LARGE1: variants seen among roughly 807,000 people sequenced by gnomAD.
LARGE1 encodes LARGE xylosyl- and glucuronyltransferase 1.
In LARGE1, 43 loss-of-function variants were observed where a neutral mutation model predicts 87.6. That is an observed-to-expected ratio of 0.49 (90% CI 0.38 to 0.63). LARGE1 has a LOEUF of 0.63. LARGE1 is among the 30% of genes least tolerant of loss of function. LARGE1 has a pLI of 0.00. For synonymous variants in LARGE1, 434 were observed against 394.6 expected, an observed-to-expected ratio of 1.10 and a Z score of -1.18; for missense variants, 802 against 1,000.2, an observed-to-expected ratio of 0.80 and a Z score of 2.67.
intron 11 of LARGE1, among the ~76,000 whole-genome samples, chr22:33,176,786 A>T (rs990241701): frequency 1.3e-5 from 2 of 152,246 alleles, no homozygotes; most frequent in Admixed American, 6.5e-5. Flanking sequence ...ATAGCATTTG[A>T]TCCAGCAATC....
At chr22:33,233,412 TC>T (rs751303537) in intron 11 of LARGE1, among the ~76,000 whole-genome samples, 4 of 152,214 alleles carry the variant, frequency 2.6e-5, no homozygotes, top group Non-Finnish European at 4.4e-5. Context: ...GTGTCCTATG[TC>T]TACAGGTGTC....
At chr22:33,180,286 A>G (rs1256884951) in intron 11 of LARGE1, among the ~76,000 whole-genome samples, 1 of 152,244 alleles carries the variant, frequency 6.6e-6, no homozygotes, top group Non-Finnish European at 1.5e-5. Context: ...GATAAAATAA[A>G]CAAATGTAAA....
chr22:33,829,171 G>A (rs1250984498), intron 1 of LARGE1, among the ~76,000 whole-genome samples: 1 of 151,744 alleles, frequency 6.6e-6, no homozygotes, highest in East Asian at 1.9e-4. Context: ...ACCGTGCCTG[G>A]CTAATTTTTG....
At chr22:33,250,325 A>T (rs1926956019) in intron 11 of LARGE1, among the ~76,000 whole-genome samples, 1 of 152,182 alleles carries the variant, frequency 6.6e-6, no homozygotes, top group African/African-American at 2.4e-5. Context: ...CCACTTGTTC[A>T]TTGCTGATAT....
At chr22:33,208,474 A>C (rs1452285594) in intron 11 of LARGE1, among the ~76,000 whole-genome samples, 1 of 152,228 alleles carries the variant, frequency 6.6e-6, no homozygotes, top group Non-Finnish European at 1.5e-5. Flanking sequence ...ACTGCATTCC[A>C]AACTTTCCCA....
rs540638659 is a variant in LARGE1 at position 33,500,544 on chromosome 22, T to A, written c.787+64304A>T. Among the ~76,000 whole-genome samples, 272 of 152,296 alleles carry A rather than the reference T, an allele frequency of 1.8e-3. 1 individual carries two copies. Among genetic ancestry groups the A allele is most frequent in the African/African-American group, 6.4e-3 (267 of 41,544 alleles). On this transcript the variant is annotated intron_variant, in intron 6 of 14. Coordinates refer to ENST00000397394, the MANE Select transcript of LARGE1 (RefSeq NM_133642.5). ...ATTTGTTAAAGAAAAATTGGTCTCA[T>A]AGCTTCCTGGTTTACAACGTGGGTA...
intron 11 of LARGE1, among the ~76,000 whole-genome samples, chr22:33,241,055 A>T (rs541571629): frequency 3.3e-4 from 50 of 151,972 alleles, no homozygotes; most frequent in African/African-American, 1.2e-3. Flanking sequence ...GTATCAAGGC[A>T]CTCCCATTTC....
At chr22:33,278,588 C>T (rs893788826) in intron 13 of LARGE1, among the ~76,000 whole-genome samples, 11 of 150,536 alleles carry the variant, frequency 7.3e-5, no homozygotes, top group Non-Finnish European at 1.0e-4. Context: ...CACACACACA[C>T]GCAGATATTG....
intron 2 of LARGE1, among the ~76,000 whole-genome samples, chr22:33,731,053 A>T (rs1410417928): frequency 1.5e-5 from 2 of 135,700 alleles, no homozygotes; most frequent in East Asian, 4.5e-4. Context: ...CCCAGGCTGG[A>T]GTGCAGTGGT....
At chr22:33,136,280 T>C in the LARGE1 span, among the ~76,000 whole-genome samples, 1 of 152,194 alleles carries the variant, frequency 6.6e-6, no homozygotes, top group Non-Finnish European at 1.5e-5. Context: ...CGGTTCCACA[T>C]GGCTGGGGAG....
intron 7 of LARGE1, among the ~76,000 whole-genome samples, chr22:33,402,259 G>A (rs1360412037): frequency 6.6e-6 from 1 of 152,142 alleles, no homozygotes; most frequent in East Asian, 1.9e-4. Context: ...CAGAACCAGA[G>A]GCCCAGGGGC....
At chr22:33,615,219 A>C (rs2079548143) in intron 4 of LARGE1, among the ~76,000 whole-genome samples, 1 of 152,056 alleles carries the variant, frequency 6.6e-6, no homozygotes, top group African/African-American at 2.4e-5. Context: ...ACAGCCCCTT[A>C]CAGGTAGAAA....
chr22:33,375,671 G>C (rs532423653), intron 9 of LARGE1, among the ~76,000 whole-genome samples: 45 of 152,230 alleles, frequency 3.0e-4, no homozygotes, highest in African/African-American at 8.2e-4. Flanking sequence ...AGGAACATTA[G>C]GACTGTAAGT....
At chr22:33,809,505 G>A (rs1388658947) in intron 1 of LARGE1, among the ~76,000 whole-genome samples, 2 of 152,184 alleles carry the variant, frequency 1.3e-5, no homozygotes, top group Admixed American at 1.3e-4. Context: ...TAGATGCAAG[G>A]ACAGATGGAT....
chr22:33,593,605 C>G (rs2078903572), intron 5 of LARGE1, among the ~76,000 whole-genome samples: 1 of 152,168 alleles, frequency 6.6e-6, no homozygotes, highest in Non-Finnish European at 1.5e-5. Context: ...TTGTCCACAG[C>G]CATCAACAAC....
intron 11 of LARGE1, among the ~76,000 whole-genome samples, chr22:33,206,103 C>T (rs1333382675): frequency 1.3e-5 from 2 of 151,994 alleles, no homozygotes; most frequent in African/African-American, 2.4e-5. Context: ...TACAGGCGCC[C>T]GCCACCACAC....
At chr22:33,482,552 G>A (rs549749654) in intron 6 of LARGE1, among the ~76,000 whole-genome samples, 3 of 152,282 alleles carry the variant, frequency 2.0e-5, no homozygotes, top group South Asian at 2.1e-4. Context: ...TCGGGAGGTT[G>A]GGGGCTAGGG....
At chr22:33,575,139 T>C (rs941262746) in intron 5 of LARGE1, among the ~76,000 whole-genome samples, 5 of 152,266 alleles carry the variant, frequency 3.3e-5, no homozygotes, top group East Asian at 1.9e-4. Flanking sequence ...CAAGTCTCCA[T>C]AGATTACCCT....
At chr22:33,203,087 CTCTCTCTCTCTCTCTGTG>C (rs1161230133) in intron 11 of LARGE1, among the ~76,000 whole-genome samples, 4,340 of 133,932 alleles carry the variant, frequency 0.032, 117 homozygotes, top group South Asian at 0.15. Flanking sequence ...CTCTCTCTCT[CTCTCTCTCTCTCTCTGTG>C]TGTGTGTGTG....
Sources: gnomAD v4.1 joint callset for allele counts (sites outside exome capture counted in the v4.1 genomes callset) on GRCh38, gnomAD v4.1.1 for gene constraint, MANE v1.5 for transcripts, NCBI Gene and HGNC (gene_info 2026-07-23, HGNC 2026-07-21) for gene names.